TAFA1: variants seen among roughly 807,000 people sequenced by gnomAD.
TAFA1 encodes the protein TAFA chemokine like family member 1.
TAFA1 carries 4 observed loss-of-function variants against 18.5 expected under a neutral mutation model. That is an observed-to-expected ratio of 0.22 (90% confidence interval 0.11 to 0.49). TAFA1 has a LOEUF of 0.49. Ranked by LOEUF, TAFA1 falls within the 20% of genes least tolerant of loss-of-function variation. The probability of loss-of-function intolerance (pLI) is 0.98; values close to 1 mark genes in which losing one functional copy is unlikely to be tolerated. For synonymous variants in TAFA1, 56 were observed against 55.2 expected (o/e 1.01, Z -0.06); for missense variants, 147 against 169.0 (o/e 0.87, Z 0.72).
chr3:68,243,434 C>T (rs2067027827), intron 2 of TAFA1, among the ~76,000 whole-genome samples: 2 of 152,052 alleles, frequency 1.3e-5, no homozygotes, highest in Admixed American at 1.3e-4. Flanking sequence ...CACAGGGCTT[C>T]CTTAAGCTAC....
rs552220126 is a variant in TAFA1 at position 68,316,293 on chromosome 3, C to T, written c.119-100987C>T. Among the ~76,000 whole-genome samples the T allele has an allele frequency of 2.9e-3, 434 of 152,276 alleles. 5 individuals are homozygous for T. The highest frequency in any genetic ancestry group is 0.01 in the African/African-American group (422 of 41,546). On this transcript the variant is annotated intron_variant, in intron 2 of 4. Coordinates refer to ENST00000478136, the MANE Select transcript of TAFA1 (RefSeq NM_213609.4). ...TTCAGTCCACTGGGGAGGACTCCCT[C>T]CCTTAGAAATGAACTGGTTAAATAA...
intron 2 of TAFA1, among the ~76,000 whole-genome samples, chr3:68,259,839 T>A (rs546209817): frequency 4.0e-4 from 61 of 152,260 alleles, no homozygotes; most frequent in South Asian, 3.7e-3. Context: ...GATTTTGGGC[T>A]GAGACAATGG....
intron 2 of TAFA1, among the ~76,000 whole-genome samples, chr3:68,050,928 A>T (rs2064463905): frequency 6.6e-6 from 1 of 152,202 alleles, no homozygotes; most frequent in African/African-American, 2.4e-5. Context: ...TGTTTGGCCC[A>T]TAAGCCAAAG....
intron 2 of TAFA1, among the ~76,000 whole-genome samples, chr3:68,353,380 T>C (rs906913041): frequency 2.0e-5 from 3 of 152,110 alleles, no homozygotes; most frequent in African/African-American, 4.8e-5. Flanking sequence ...AAGCCATTTA[T>C]AGGTGATTCT....
chr3:68,174,084 C>CA (rs1415545287), intron 2 of TAFA1, among the ~76,000 whole-genome samples: 1 of 151,730 alleles, frequency 6.6e-6, no homozygotes, highest in Non-Finnish European at 1.5e-5. Flanking sequence ...GTGAGAAATG[C>CA]AAAAAAGGCC....
At chr3:68,016,123 G>A (rs748181251) in intron 2 of TAFA1, among the ~76,000 whole-genome samples, 11 of 152,148 alleles carry the variant, frequency 7.2e-5, no homozygotes, top group African/African-American at 2.7e-4. Context: ...TGCTGTGGAC[G>A]ATTGGGTTAA....
intron 2 of TAFA1, among the ~76,000 whole-genome samples, chr3:68,302,345 C>T (rs1284389733): frequency 1.3e-5 from 2 of 152,086 alleles, no homozygotes; most frequent in Admixed American, 1.3e-4. Context: ...AAACACCATA[C>T]ACATGTCCAG....
chr3:68,379,730 T>TG (rs1354907353), intron 2 of TAFA1, among the ~76,000 whole-genome samples: 1 of 151,830 alleles, frequency 6.6e-6, no homozygotes, highest in Non-Finnish European at 1.5e-5. Context: ...GTTGATTTTT[T>TG]TTTTTGAGTC....
chr3:68,400,620 CT>C (rs1479993973), intron 2 of TAFA1, among the ~76,000 whole-genome samples: 2 of 152,148 alleles, frequency 1.3e-5, no homozygotes, highest in Non-Finnish European at 2.9e-5. Context: ...CAATCAGATT[CT>C]TTAAGAGACA....
chr3:68,228,210 A>T (rs2066827649), intron 2 of TAFA1, among the ~76,000 whole-genome samples: 1 of 152,170 alleles, frequency 6.6e-6, no homozygotes, highest in African/African-American at 2.4e-5. Flanking sequence ...AGCCCTCTAT[A>T]AATACTGTTC....
intron 2 of TAFA1, among the ~76,000 whole-genome samples, chr3:68,289,223 CATTATTTGT>C (rs1228408316): frequency 6.6e-6 from 1 of 152,100 alleles, no homozygotes; most frequent in Non-Finnish European, 1.5e-5. Flanking sequence ...ATTTTCTGTT[CATTATTTGT>C]ATTAACAAAA....
intron 2 of TAFA1, among the ~76,000 whole-genome samples, chr3:68,172,718 A>G (rs1326687126): frequency 1.3e-5 from 2 of 152,208 alleles, no homozygotes; most frequent in African/African-American, 2.4e-5. Context: ...ACATGCTACA[A>G]CACAAATAAG....
At chr3:68,265,606 A>G (rs1451028310) in intron 2 of TAFA1, among the ~76,000 whole-genome samples, 1 of 152,190 alleles carries the variant, frequency 6.6e-6, no homozygotes, top group Non-Finnish European at 1.5e-5. Context: ...TGAGGCCTGA[A>G]CTAACTGGGT....
At chr3:68,243,424 C>T (rs1022869641) in intron 2 of TAFA1, among the ~76,000 whole-genome samples, 1 of 151,930 alleles carries the variant, frequency 6.6e-6, no homozygotes, top group African/African-American at 2.4e-5. Flanking sequence ...GTAACATTGC[C>T]ACAGGGCTTC....
At chr3:68,311,689 G>A (rs1315261718) in intron 2 of TAFA1, among the ~76,000 whole-genome samples, 1 of 152,234 alleles carries the variant, frequency 6.6e-6, no homozygotes, top group Non-Finnish European at 1.5e-5. Flanking sequence ...TGGCTTCACA[G>A]AATACAGCCT....
At chr3:68,042,428 T>A (rs1705184699) in intron 2 of TAFA1, among the ~76,000 whole-genome samples, 1 of 152,182 alleles carries the variant, frequency 6.6e-6, no homozygotes, top group South Asian at 2.1e-4. Flanking sequence ...GGTGGATGGA[T>A]CACCTGAGGT....
chr3:68,302,909 TCTA>T (rs1318008856), intron 2 of TAFA1, among the ~76,000 whole-genome samples: 1 of 152,210 alleles, frequency 6.6e-6, no homozygotes, highest in Admixed American at 6.5e-5. Flanking sequence ...CTATCCAAGT[TCTA>T]CTACTAACTG....
intron 2 of TAFA1, among the ~76,000 whole-genome samples, chr3:68,365,787 C>A (rs996455363): frequency 2.0e-5 from 3 of 152,090 alleles, no homozygotes; most frequent in African/African-American, 7.2e-5. Context: ...GGGGTTTCCC[C>A]TTATAAAACC....
chr3:68,212,514 A>T (rs775670186), intron 2 of TAFA1, among the ~76,000 whole-genome samples: 14 of 151,966 alleles, frequency 9.2e-5, no homozygotes, highest in Admixed American at 2.6e-4. Flanking sequence ...TTGGCTTTCA[A>T]ATGAGACATC....
Sources: gnomAD v4.1 joint callset for allele counts (sites outside exome capture counted in the v4.1 genomes callset) on GRCh38, gnomAD v4.1.1 for gene constraint, MANE v1.5 for transcripts, NCBI Gene and HGNC (gene_info 2026-07-23, HGNC 2026-07-21) for gene names.